RAB40C: variants seen among roughly 807,000 people sequenced by gnomAD.
The protein encoded by RAB40C is RAB40C, member RAS oncogene family, also known as ras-related protein Rab-40C.
RAB40C carries 8 observed loss-of-function variants against 28.1 expected under a neutral mutation model. The ratio of observed to expected loss-of-function variants is 0.28; its 90% CI spans 0.17 to 0.51. The LOEUF (loss-of-function observed/expected upper bound fraction) is 0.51. Ranked by LOEUF, RAB40C falls within the 20% of genes least tolerant of loss-of-function variation. The pLI is 0.97. For missense variants in RAB40C, 288 were observed against 405.9 expected (o/e 0.71, Z 2.50); for synonymous variants, 201 against 171.7 (o/e 1.17, Z -1.34).
intron 1 of RAB40C, among the ~76,000 whole-genome samples, chr16:590,741 G>T (rs1182851938): frequency 6.6e-6 from 1 of 151,642 alleles, no homozygotes; most frequent in African/African-American, 2.4e-5. Flanking sequence ...TCCGGGATCT[G>T]GAGCCCAGGG....
chr16:619,299 G>A (rs1319245983), intron 3 of RAB40C, among the ~76,000 whole-genome samples: 4 of 150,540 alleles, frequency 2.7e-5, no homozygotes, highest in South Asian at 2.1e-4. Flanking sequence ...CTGTGTGTGT[G>A]CACAGGTGTA....
At chr16:612,066 C>A (rs71378524) in intron 1 of RAB40C, among the ~76,000 whole-genome samples, 9 of 19,026 alleles carry the variant, frequency 4.7e-4, no homozygotes, top group East Asian at 2.6e-3. Flanking sequence ...TGGCCTGTAG[C>A]ATCAAGAGCA....
At chr16:608,822 A>C (rs960790456) in intron 1 of RAB40C, among the ~76,000 whole-genome samples, 1 of 152,186 alleles carries the variant, frequency 6.6e-6, no homozygotes, top group Non-Finnish European at 1.5e-5. Flanking sequence ...GCCATGAGCC[A>C]AGATTGTGCT....
chr16:592,571 A>G (rs2036025520), intron 1 of RAB40C, among the ~76,000 whole-genome samples: 1 of 152,244 alleles, frequency 6.6e-6, no homozygotes, highest in Non-Finnish European at 1.5e-5. Context: ...TGACTGCCCC[A>G]GAATTGGTAA....
At position 590,349 on chromosome 16, in the gene RAB40C, G is replaced by C. The variant is rs765624453; in HGVS notation, c.58G>C (p.Val20Leu). The C allele has an allele frequency of 6.3e-7, 1 of 1,597,200 alleles. No individual in the cohort carries two copies. The highest frequency in any genetic ancestry group is 8.5e-7 in the Non-Finnish European group (1 of 1,173,552). ...CGACTACCTGCTCAAGTTCCTGCTG[G>C]TGGGCGACAGCGACGTGGGCAAGGG... ...SYDYLLKFLLVGDSDVGKGEI... is the reference protein window; with the variant it reads ...SYDYLLKFLLLGDSDVGKGEI... Residue 20 changes from valine to leucine, a missense_variant, in exon 1 of 6, where the codon GTG (valine) becomes CTG (leucine). This residue lies in a region of RAB40C where 78 missense variants were observed against 88.2 expected (regional missense o/e 0.88). Transcript: ENST00000248139.
At chr16:617,465 T>G (rs1230208226) in intron 2 of RAB40C, among the ~76,000 whole-genome samples, 197 bp downstream of exon 2, 1 of 152,146 alleles carries the variant, frequency 6.6e-6, no homozygotes, top group African/African-American at 2.4e-5. Flanking sequence ...TCCCTAGAGA[T>G]CGCGGCTCCC....
chr16:607,526 G>A (rs1247800568), intron 1 of RAB40C, among the ~76,000 whole-genome samples: 3 of 148,900 alleles, frequency 2.0e-5, no homozygotes, highest in Non-Finnish European at 3.0e-5. Flanking sequence ...ACGGGGGGCC[G>A]GGCGCGGTGG....
At chr16:591,240 A>G (rs1347080130) in intron 1 of RAB40C, among the ~76,000 whole-genome samples, 1 of 147,704 alleles carries the variant, frequency 6.8e-6, no homozygotes, top group Non-Finnish European at 1.5e-5. Flanking sequence ...TCATGGGTCT[A>G]GGATCATCTG....
Position 610,668 on chromosome 16 carries a change from G to A in RAB40C, c.143-6540G>A, listed in dbSNP as rs536111148. Among the ~76,000 whole-genome samples, 50 of 152,032 alleles carry A rather than the reference G, an allele frequency of 3.3e-4. No individual in the cohort carries two copies. The highest frequency in any genetic ancestry group is 5.9e-4 in the Non-Finnish European group (40 of 68,014). On this transcript the variant is annotated intron_variant, in intron 1 of 5. Coordinates refer to ENST00000248139, the MANE Select transcript of RAB40C (RefSeq NM_021168.5). The surrounding 1 kb of genome is among the most constrained non-coding windows in gnomAD (Gnocchi z 4.6). Reference sequence around the variant, plus strand: ...AGCCCACTGCCCCTGCCCCTGCGCCGTCCCCCAGCGCGGGCTCCAGGCCTC... The same window carrying A: ...AGCCCACTGCCCCTGCCCCTGCGCCATCCCCCAGCGCGGGCTCCAGGCCTC...
At chr16:614,452 A>C (rs1355360569) in intron 1 of RAB40C, among the ~76,000 whole-genome samples, 1 of 142,416 alleles carries the variant, frequency 7.0e-6, no homozygotes, top group Non-Finnish European at 1.5e-5. Context: ...TGAACTGCCT[A>C]ACTCTACCAC....
At chr16:608,418 G>T (rs118041986) in intron 1 of RAB40C, among the ~76,000 whole-genome samples, 3 of 152,154 alleles carry the variant, frequency 2.0e-5, no homozygotes, top group Non-Finnish European at 4.4e-5. Context: ...CTCCCACCTC[G>T]TCCTCTGTCC....
intron 1 of RAB40C, among the ~76,000 whole-genome samples, chr16:604,274 A>G (rs979487980): frequency 6.6e-6 from 1 of 152,144 alleles, no homozygotes; most frequent in African/African-American, 2.4e-5. Flanking sequence ...TAAAATACAG[A>G]AAACACGTCA....
intron 1 of RAB40C, among the ~76,000 whole-genome samples, chr16:603,456 GAAT>G (rs1440933416): frequency 6.6e-6 from 1 of 152,162 alleles, no homozygotes; most frequent in Non-Finnish European, 1.5e-5. Context: ...CCCCGCACGT[GAAT>G]GACTTAGAGC....
intron 3 of RAB40C, chr16:624,279 C>G: frequency 1.0e-6 from 1 of 985,416 alleles, no homozygotes; most frequent in Non-Finnish European, 1.2e-6. Flanking sequence ...TCCACCTCCC[C>G]CAGCAGCAAA....
At chr16:609,948 A>T (rs921719836) in intron 1 of RAB40C, among the ~76,000 whole-genome samples, 3 of 152,156 alleles carry the variant, frequency 2.0e-5, no homozygotes, top group Non-Finnish European at 4.4e-5. Flanking sequence ...ACCCAGAGCA[A>T]TGTGGTCAAA....
At chr16:596,289 G>A (rs1216421747) in intron 1 of RAB40C, 1 of 456,110 alleles carries the variant, frequency 2.2e-6, no homozygotes, top group Non-Finnish European at 4.4e-6. Flanking sequence ...GTCCTCGCAG[G>A]TACTTTTGCC....
chr16:609,435 G>T (rs2151070219), intron 1 of RAB40C, among the ~76,000 whole-genome samples: 1 of 152,306 alleles, frequency 6.6e-6, no homozygotes, highest in African/African-American at 2.4e-5. Context: ...CCCGTGGCAG[G>T]ATGATGGCAG....
intron 1 of RAB40C, among the ~76,000 whole-genome samples, chr16:613,416 A>G (rs1238878760): frequency 6.6e-6 from 1 of 152,238 alleles, no homozygotes. Context: ...CAAGAGCAGG[A>G]CTGCCGCCCT....
At position 628,982 on chromosome 16, in the gene RAB40C, G is replaced by T; in HGVS notation, c.*1360G>T. 6.5e-6 allele frequency: 1 copy of T among 154,640 alleles called. No individual in the cohort carries two copies. The highest frequency in any genetic ancestry group is 1.4e-5 in the Non-Finnish European group (1 of 69,422). The allele number at this position is 154,640 out of a possible 1,614,324, so 9.6% of individuals were successfully genotyped here. A position where few individuals can be genotyped will look rare whatever the true frequency, so the allele number is the denominator to read the frequency against. ...CCCGTTCCTGGGAGATGAGGGCCGT[G>T]GCCTGCATGAACTACCAGATGAGTA... On this transcript the variant is annotated 3_prime_UTR_variant, in exon 6 of 6. Coordinates refer to ENST00000248139, the MANE Select transcript of RAB40C (RefSeq NM_021168.5).
Sources: allele counts gnomAD v4.1 joint callset (sites outside exome capture counted in the v4.1 genomes callset), GRCh38; gene constraint gnomAD v4.1.1; regional missense constraint gnomAD v4.1.1; non-coding constraint Gnocchi (gnomAD v3.1); transcripts MANE v1.5; gene names NCBI Gene and HGNC (gene_info 2026-07-23, HGNC 2026-07-21).